NAA11: variants seen among roughly 807,000 people sequenced by gnomAD.
NAA11 encodes the protein N-alpha-acetyltransferase 11, NatA catalytic subunit, also known as N-alpha-acetyltransferase 11.
In NAA11, 15 loss-of-function variants were observed where a neutral mutation model predicts 16.1. That is an observed-to-expected ratio of 0.93 (90% CI 0.62 to 1.44). The LOEUF is 1.44. NAA11 is among the 40% of genes most tolerant of loss of function. NAA11 has a pLI of 0.00. For synonymous variants in NAA11, 122 were observed against 112.4 expected (o/e 1.09, Z -0.54); for missense variants, 298 against 291.3 (o/e 1.02, Z -0.17).
In NAA11 at chr4:79,284,645, T is replaced by C. The variant is rs1009200348; in HGVS notation, c.*122+9360A>G. On this transcript the variant is annotated intron_variant and NMD_transcript_variant, in intron 2 of 2. Coordinates refer to the NAA11 transcript ENST00000511542. Reference sequence around the variant, plus strand: ...CAGCACTTTGGGAGGCCGAGGCGGGTGGATCATGAGGTCAGGAGATCGAGA... The same window carrying C: ...CAGCACTTTGGGAGGCCGAGGCGGGCGGATCATGAGGTCAGGAGATCGAGA... 1.5e-4 allele frequency among the ~76,000 whole-genome samples: 4 copies of C among 26,236 alleles called. 2 individuals carry two copies. Among genetic ancestry groups the C allele is most frequent in the Non-Finnish European group, 2.8e-4 (4 of 14,110 alleles). 17.2% of individuals were successfully genotyped at this position (26,236 alleles called of 152,430 possible).
chr4:79,311,609 A>G (rs1469585926), intron 1 of NAA11, among the ~76,000 whole-genome samples: 1 of 152,224 alleles, frequency 6.6e-6, no homozygotes, highest in Non-Finnish European at 1.5e-5. Context: ...ATGCAATTAC[A>G]TATTTCAACA....
the NAA11 span, among the ~76,000 whole-genome samples, chr4:79,187,562 CG>C: frequency 6.6e-5 from 10 of 152,216 alleles, no homozygotes; most frequent in African/African-American, 1.9e-4. Flanking sequence ...GGTTCGGAAA[CG>C]GTATCTCCAA....
At chr4:79,322,732 C>G (rs1209032474) in intron 1 of NAA11, among the ~76,000 whole-genome samples, 1 of 152,150 alleles carries the variant, frequency 6.6e-6, no homozygotes, top group Admixed American at 6.5e-5. Context: ...ACAACGCTTT[C>G]TCAAGGCATC....
At chr4:79,211,924 T>TTCCAAGACAGAAAGTTGAC in the NAA11 span, 58 of 152,152 alleles carry the variant, frequency 3.8e-4, no homozygotes, top group Non-Finnish European at 1.2e-4. Flanking sequence ...GAAGATAGTC[T>TTCCAAGACAGAAAGTTGAC]AGAAAGAAAT....
chr4:79,196,688 G>A, the NAA11 span, among the ~76,000 whole-genome samples: 64 of 151,994 alleles, frequency 4.2e-4, 1 homozygote, highest in East Asian at 0.012. Context: ...CATGGAACTT[G>A]TGAATATGTT....
intron 2 of NAA11, among the ~76,000 whole-genome samples, chr4:79,276,940 T>C (rs1212156684): frequency 6.6e-6 from 1 of 152,126 alleles, no homozygotes; most frequent in South Asian, 2.1e-4. Context: ...CCAACAGCGA[T>C]TTATTAACTA....
intron 1 of NAA11, among the ~76,000 whole-genome samples, chr4:79,324,262 G>A (rs901751728): frequency 6.6e-6 from 1 of 151,940 alleles, no homozygotes; most frequent in African/African-American, 2.4e-5. Context: ...AACAGATAAG[G>A]ACTTTCTAAA....
chr4:79,279,045 G>A (rs1319937550), intron 2 of NAA11, among the ~76,000 whole-genome samples: 1 of 151,968 alleles, frequency 6.6e-6, no homozygotes, highest in Non-Finnish European at 1.5e-5. Context: ...GGGCCCTCAT[G>A]ACCTAAACAC....
chr4:79,296,614 G>C (rs566942753), intron 1 of NAA11, among the ~76,000 whole-genome samples: 1 of 152,214 alleles, frequency 6.6e-6, no homozygotes, highest in Non-Finnish European at 1.5e-5. Flanking sequence ...GTACAGTTTT[G>C]ACCTTCTCAT....
At chr4:79,251,266 A>G (rs1721987363) in intron 2 of NAA11, among the ~76,000 whole-genome samples, 1 of 152,236 alleles carries the variant, frequency 6.6e-6, no homozygotes, top group South Asian at 2.1e-4. Flanking sequence ...AAAATGTTGT[A>G]TATATACACC....
chr4:79,163,314 T>A, the NAA11 span, among the ~76,000 whole-genome samples: 1 of 152,182 alleles, frequency 6.6e-6, no homozygotes, highest in Non-Finnish European at 1.5e-5. Context: ...TCTTGACTAC[T>A]GCGTGAGGCT....
intron 2 of NAA11, among the ~76,000 whole-genome samples, chr4:79,272,575 T>G (rs1722520875): frequency 6.6e-6 from 1 of 152,076 alleles, no homozygotes; most frequent in Non-Finnish European, 1.5e-5. Flanking sequence ...ACTTTTGTCT[T>G]TTTGTTTCTT....
At chr4:79,267,409 A>G (rs547316302) in intron 2 of NAA11, among the ~76,000 whole-genome samples, 1 of 152,208 alleles carries the variant, frequency 6.6e-6, no homozygotes, top group Non-Finnish European at 1.5e-5. Context: ...AGCCTTGAAT[A>G]TTTAATGAGA....
the NAA11 span, among the ~76,000 whole-genome samples, chr4:79,186,192 C>T: frequency 7.2e-5 from 11 of 152,064 alleles, no homozygotes; most frequent in Non-Finnish European, 1.0e-4. Context: ...CCCCGCCTCC[C>T]GAATATACTG....
the NAA11 span, among the ~76,000 whole-genome samples, chr4:79,182,032 G>A: frequency 6.6e-6 from 1 of 152,078 alleles, no homozygotes; most frequent in South Asian, 2.1e-4. Flanking sequence ...TCCAATTTTA[G>A]GAACAAAACC....
chr4:79,212,443 A>C, the NAA11 span, among the ~76,000 whole-genome samples: 1 of 152,004 alleles, frequency 6.6e-6, no homozygotes, highest in African/African-American at 2.4e-5. Context: ...GTGAGCACTC[A>C]AGGCTTCCTT....
chr4:79,274,067 T>C (rs1722563858), intron 2 of NAA11, among the ~76,000 whole-genome samples: 1 of 152,080 alleles, frequency 6.6e-6, no homozygotes, highest in African/African-American at 2.4e-5. Context: ...CCTTGACAAC[T>C]TGTGATGGTG....
chr4:79,157,875 C>G, the NAA11 span, among the ~76,000 whole-genome samples: 1 of 150,140 alleles, frequency 6.7e-6, no homozygotes, highest in Non-Finnish European at 1.5e-5. Context: ...AAGAAGAAGT[C>G]AAACTGTTGC....
At chr4:79,157,652 G>T in the NAA11 span, among the ~76,000 whole-genome samples, 1 of 151,030 alleles carries the variant, frequency 6.6e-6, no homozygotes, top group African/African-American at 2.4e-5. Flanking sequence ...CACCAAAATT[G>T]GCATAAAAGG....
Sources: gnomAD v4.1 joint callset for allele counts (sites outside exome capture counted in the v4.1 genomes callset) on GRCh38, gnomAD v4.1.1 for gene constraint, MANE v1.5 for transcripts, NCBI Gene and HGNC (gene_info 2026-07-23, HGNC 2026-07-21) for gene names.